PCCA: variants seen among roughly 807,000 people sequenced by gnomAD.
PCCA encodes propionyl-CoA carboxylase subunit alpha, also known as propionyl-CoA carboxylase alpha chain, mitochondrial.
In PCCA, 74 loss-of-function variants were observed where a neutral mutation model predicts 101.3. The observed-to-expected ratio is 0.73, with a 90% confidence interval of 0.61 to 0.89. The LOEUF (loss-of-function observed/expected upper bound fraction) is 0.89, where lower values mean the gene tolerates loss of function less well. PCCA is among the 40% of genes least tolerant of loss of function. PCCA has a pLI of 0.00. For synonymous variants in PCCA, 294 were observed against 313.6 expected (o/e 0.94, Z 0.66); for missense variants, 891 against 907.0 (o/e 0.98, Z 0.23).
intron 6 of PCCA, among the ~76,000 whole-genome samples, chr13:100,187,748 G>T (rs536142832): frequency 2.6e-5 from 4 of 152,230 alleles, no homozygotes; most frequent in East Asian, 3.9e-4. Flanking sequence ...TGTCATGGGG[G>T]TGGCACTCTT....
intron 1 of PCCA, among the ~76,000 whole-genome samples, chr13:100,090,080 A>G (rs1237236307): frequency 6.6e-6 from 1 of 152,238 alleles, no homozygotes; most frequent in African/African-American, 2.4e-5. Context: ...CAGCTGGTTC[A>G]GTGTGCTTGT....
intron 19 of PCCA, among the ~76,000 whole-genome samples, chr13:100,389,589 A>G (rs2076702636): frequency 6.6e-6 from 1 of 152,210 alleles, no homozygotes; most frequent in Non-Finnish European, 1.5e-5. Context: ...GTACCTATGT[A>G]ACAAACCTGC....
At chr13:100,194,499 C>G (rs183778945) in intron 6 of PCCA, among the ~76,000 whole-genome samples, 1 of 152,264 alleles carries the variant, frequency 6.6e-6, no homozygotes, top group East Asian at 1.9e-4. Context: ...CTCACTGCAA[C>G]CTCCGCCTCC....
rs559752742 is a variant in PCCA at position 100,192,011 on chromosome 13, A to C, written c.469-17321A>C. Among the ~76,000 whole-genome samples, 3 of 152,360 alleles carry C rather than the reference A, an allele frequency of 2.0e-5. No homozygotes were observed. The South Asian group carries it at 6.2e-4, about 32-fold the overall frequency. Reference sequence around the variant, plus strand: ...AATCTCAGGTGATCTGAACGTGTTAAATTGTAAGAGTACTTAATGTGAATT... The same window carrying C: ...AATCTCAGGTGATCTGAACGTGTTACATTGTAAGAGTACTTAATGTGAATT... On this transcript the variant is annotated intron_variant, in intron 6 of 23. Transcript: ENST00000376285.
chr13:100,320,755 A>G (rs2067942239), intron 16 of PCCA, among the ~76,000 whole-genome samples: 1 of 152,038 alleles, frequency 6.6e-6, no homozygotes, highest in African/African-American at 2.4e-5. Context: ...TTTTGCATCG[A>G]TGTTCATGAG....
chr13:100,360,877 T>C (rs2074498022), intron 18 of PCCA, among the ~76,000 whole-genome samples: 1 of 152,218 alleles, frequency 6.6e-6, no homozygotes, highest in Non-Finnish European at 1.5e-5. Flanking sequence ...AGCAGTTTTA[T>C]TCATAATTGC....
chr13:100,090,774 A>G (rs1239434174), intron 1 of PCCA, among the ~76,000 whole-genome samples: 1 of 152,222 alleles, frequency 6.6e-6, no homozygotes, highest in East Asian at 1.9e-4. Flanking sequence ...CAATCTCACA[A>G]CAGTCGTATG....
intron 19 of PCCA, among the ~76,000 whole-genome samples, chr13:100,422,578 A>C (rs757095593): frequency 1.3e-5 from 2 of 152,196 alleles, no homozygotes; most frequent in Non-Finnish European, 2.9e-5. Flanking sequence ...CTCTTTGGAC[A>C]GTTACATATT....
chr13:100,132,251 A>G (rs2050589897), intron 4 of PCCA, among the ~76,000 whole-genome samples: 1 of 13,950 alleles, frequency 7.2e-5, no homozygotes, highest in Admixed American at 6.8e-4. Context: ...TACTAGCACA[A>G]TCAGAATGCA....
At chr13:100,338,987 T>G (rs1307030556) in intron 17 of PCCA, among the ~76,000 whole-genome samples, 1 of 152,174 alleles carries the variant, frequency 6.6e-6, no homozygotes, top group Non-Finnish European at 1.5e-5. Flanking sequence ...ACTAGTTTTT[T>G]TCTTTTTTTG....
chr13:100,453,023 G>T (rs974456351), intron 21 of PCCA, among the ~76,000 whole-genome samples: 8 of 151,634 alleles, frequency 5.3e-5, no homozygotes, highest in East Asian at 2.0e-4. Flanking sequence ...GGGAAACAAA[G>T]GGAGACCCCA....
chr13:100,427,701 A>G lies in PCCA; in HGVS notation c.1845+1970A>G, dbSNP rs116218698. On this transcript the variant is annotated intron_variant, in intron 20 of 23. Coordinates refer to ENST00000376285, the MANE Select transcript of PCCA (RefSeq NM_000282.4). Reference sequence around the variant, plus strand: ...GGAAGGAAATAAACTCAGAGAGGTAAATGGTGTACTAGGAAAAACAGTCGT... The same window carrying G: ...GGAAGGAAATAAACTCAGAGAGGTAGATGGTGTACTAGGAAAAACAGTCGT... Among the ~76,000 whole-genome samples, 878 of 152,076 alleles carry G rather than the reference A, an allele frequency of 5.8e-3. 12 individuals carry two copies. The highest frequency in any genetic ancestry group is 0.02 in the African/African-American group (846 of 41,480).
chr13:100,527,344 G>A (rs2087927571), intron 22 of PCCA: 2 of 487,840 alleles, frequency 4.1e-6, no homozygotes, highest in Admixed American at 2.3e-5. Context: ...GGACATTTCA[G>A]GTAAGTGGAA....
chr13:100,223,003 T>C (rs986708300), intron 7 of PCCA, among the ~76,000 whole-genome samples: 1 of 152,204 alleles, frequency 6.6e-6, no homozygotes, highest in Admixed American at 6.5e-5. Context: ...GAAACTAATG[T>C]TTTAAAATGT....
At chr13:100,395,506 A>G (rs1005466525) in intron 19 of PCCA, among the ~76,000 whole-genome samples, 4 of 152,214 alleles carry the variant, frequency 2.6e-5, no homozygotes, top group African/African-American at 9.6e-5. Flanking sequence ...GAAAGGGCCA[A>G]TATACAATTA....
intron 18 of PCCA, among the ~76,000 whole-genome samples, chr13:100,342,764 C>T (rs1442801622): frequency 7.9e-6 from 1 of 125,848 alleles, no homozygotes; most frequent in African/African-American, 3.0e-5. Flanking sequence ...TTTTGTCGCC[C>T]AGGCTGAAGT....
chr13:100,509,826 T>TTTTG (rs1555326194), intron 21 of PCCA, among the ~76,000 whole-genome samples: 34 of 149,568 alleles, frequency 2.3e-4, no homozygotes, highest in African/African-American at 6.4e-4. Flanking sequence ...TTTTGTGTTT[T>TTTTG]TTTTGTTTTG....
chr13:100,190,244 G>A (rs1288632812), intron 6 of PCCA, among the ~76,000 whole-genome samples: 1 of 152,130 alleles, frequency 6.6e-6, no homozygotes, highest in Non-Finnish European at 1.5e-5. Flanking sequence ...TGTGATTCCT[G>A]TGTGTTCAAC....
chr13:100,395,814 C>T (rs1046368284), intron 19 of PCCA, among the ~76,000 whole-genome samples: 10 of 152,112 alleles, frequency 6.6e-5, no homozygotes, highest in African/African-American at 2.2e-4. Context: ...TATCAATTTG[C>T]AAGACAACTT....
Sources: gnomAD v4.1 joint callset for allele counts (sites outside exome capture counted in the v4.1 genomes callset) on GRCh38, gnomAD v4.1.1 for gene constraint, MANE v1.5 for transcripts, NCBI Gene and HGNC (gene_info 2026-07-23, HGNC 2026-07-21) for gene names.